Variants in DIS3L2 observed in about 807,000 individuals in gnomAD.
DIS3L2 encodes the protein DIS3 like 3'-5' exoribonuclease 2.
Under a neutral mutation model 97.5 loss-of-function variants are expected in DIS3L2, and 34 were observed. The observed-to-expected ratio is 0.35, with a 90% confidence interval of 0.27 to 0.46. The LOEUF is 0.46. Among genes scored for constraint, DIS3L2 ranks in the 20% least tolerant of loss-of-function variants. The pLI, the probability that DIS3L2 is intolerant of heterozygous loss-of-function variation, is 1.00. For missense variants in DIS3L2, 1,038 were observed against 1,146.0 expected (o/e 0.91, Z 1.36); for synonymous variants, 435 against 445.2 (o/e 0.98, Z 0.29).
chr2:232,159,370 G>A (rs960972579), intron 8 of DIS3L2, among the ~76,000 whole-genome samples: 18 of 152,234 alleles, frequency 1.2e-4, no homozygotes, highest in African/African-American at 4.1e-4. Flanking sequence ...GCTGTCATGA[G>A]TGAATCCTAA....
At chr2:231,964,258 CT>C (rs1692647535) in intron 1 of DIS3L2, among the ~76,000 whole-genome samples, 1 of 152,122 alleles carries the variant, frequency 6.6e-6, no homozygotes. Flanking sequence ...AATTGTACAT[CT>C]TGAACTGATC....
At chr2:232,115,885 G>T (rs1304885140) in intron 6 of DIS3L2, among the ~76,000 whole-genome samples, 1 of 152,038 alleles carries the variant, frequency 6.6e-6, no homozygotes, top group East Asian at 1.9e-4. Flanking sequence ...CTAATACAAG[G>T]CTGGCGCGGT....
intron 13 of DIS3L2, among the ~76,000 whole-genome samples, chr2:232,284,776 C>A (rs1009518157): frequency 6.6e-6 from 1 of 152,136 alleles, no homozygotes; most frequent in African/African-American, 2.4e-5. Context: ...CTACACCATG[C>A]AGGCCCCTCT....
intron 8 of DIS3L2, 103 bp from the exon 9 acceptor site, chr2:232,163,356 G>T: frequency 8.6e-7 from 1 of 1,167,688 alleles, no homozygotes. Flanking sequence ...TGGAAGGGCA[G>T]GAGATTTTAA....
chr2:232,334,760 G>A, intron 19 of DIS3L2, 25 bp downstream of exon 19: 2 of 1,571,738 alleles, frequency 1.3e-6, no homozygotes, highest in African/African-American at 1.4e-5. Context: ...AGAGCCCGGG[G>A]GCGGGCAGGG....
At chr2:232,248,742 GA>G (rs1231180930) in intron 11 of DIS3L2, among the ~76,000 whole-genome samples, 1 of 152,160 alleles carries the variant, frequency 6.6e-6, no homozygotes, top group African/African-American at 2.4e-5. Context: ...ATATTTTATT[GA>G]AGTAGTCTCT....
intron 13 of DIS3L2, among the ~76,000 whole-genome samples, chr2:232,288,642 A>T (rs1413935103): frequency 6.6e-6 from 1 of 152,178 alleles, no homozygotes; most frequent in South Asian, 2.1e-4. Context: ...CTGGAAGATC[A>T]TTCTGTTCTC....
chr2:232,117,840 G>A (rs765374966), intron 6 of DIS3L2, among the ~76,000 whole-genome samples: 3 of 152,230 alleles, frequency 2.0e-5, no homozygotes, highest in Non-Finnish European at 4.4e-5. Flanking sequence ...CATTTTAGAT[G>A]TGTATTAGGT....
At chr2:232,062,505 C>CCACATAT (rs1695740727) in intron 5 of DIS3L2, among the ~76,000 whole-genome samples, 2 of 152,166 alleles carry the variant, frequency 1.3e-5, no homozygotes, top group African/African-American at 4.8e-5. Flanking sequence ...ATTGTTCAAA[C>CCACATAT]TGCCCCTGAT....
At chr2:232,263,977 C>T (rs1188278162) in intron 13 of DIS3L2, among the ~76,000 whole-genome samples, 2 of 152,344 alleles carry the variant, frequency 1.3e-5, no homozygotes, top group African/African-American at 4.8e-5. Context: ...GACTGTAGAA[C>T]AGCGGTCCCA....
chr2:232,166,441 T>C (rs1690821508), intron 9 of DIS3L2, among the ~76,000 whole-genome samples: 1 of 152,180 alleles, frequency 6.6e-6, no homozygotes. Context: ...AAATTACTTT[T>C]GGGCCGGGCG....
intron 3 of DIS3L2, among the ~76,000 whole-genome samples, chr2:232,021,772 T>C (rs1471728938): frequency 2.0e-5 from 3 of 152,122 alleles, no homozygotes; most frequent in Non-Finnish European, 4.4e-5. Context: ...AAAATACTTT[T>C]AAAGTCATGA....
intron 8 of DIS3L2, among the ~76,000 whole-genome samples, chr2:232,140,880 A>G (rs73003139): frequency 0.012 from 1,892 of 152,328 alleles, 17 homozygotes; most frequent in Non-Finnish European, 0.018. Context: ...CTCTCTATAC[A>G]TCACATCGCC....
chr2:232,052,626 A>G (rs1695441818), intron 5 of DIS3L2, among the ~76,000 whole-genome samples: 1 of 152,144 alleles, frequency 6.6e-6, no homozygotes, highest in Non-Finnish European at 1.5e-5. Context: ...ATGCAGCTGC[A>G]TGCTTACATT....
intron 13 of DIS3L2, chr2:232,343,263 G>A: frequency 8.2e-7 from 1 of 1,214,806 alleles, no homozygotes; most frequent in Admixed American, 2.3e-5. Flanking sequence ...AGGCTGAGTA[G>A]GCTCACCTTT....
rs1050682262 is a variant in DIS3L2, at chr2:232,281,345, GC to G, written c.1659+17907del. 1.3e-5 allele frequency among the ~76,000 whole-genome samples: 2 copies of G among 152,222 alleles called. No individual in the cohort carries two copies. Among genetic ancestry groups the G allele is most frequent in the Non-Finnish European group, 2.9e-5 (2 of 68,036 alleles). On this transcript the variant is annotated intron_variant, in intron 13 of 20. Transcript: ENST00000325385. The surrounding 1 kb of genome is among the most constrained non-coding windows in gnomAD (Gnocchi z 4.1). ...ACCCGGGAGGCGGAGCTTGCAGTGA[GC>G]CGAGATGGCGCCACTGCACTTCAGC...
chr2:232,298,140 A>G (rs1194354232), intron 13 of DIS3L2, among the ~76,000 whole-genome samples: 1 of 152,214 alleles, frequency 6.6e-6, no homozygotes, highest in Non-Finnish European at 1.5e-5. Flanking sequence ...CCATGTAACA[A>G]CTACCTGCTA....
intron 9 of DIS3L2, among the ~76,000 whole-genome samples, chr2:232,176,824 C>CT (rs1691177195): frequency 6.7e-6 from 1 of 149,602 alleles, no homozygotes; most frequent in East Asian, 1.9e-4. Flanking sequence ...TTAAATTATA[C>CT]TTTAAGTTTT....
intron 20 of DIS3L2, 37 bp downstream of exon 20, chr2:232,335,911 G>C: frequency 3.9e-6 from 6 of 1,549,482 alleles, no homozygotes; most frequent in Non-Finnish European, 5.2e-6. Flanking sequence ...CCTAAGTCCT[G>C]ATGACCCCTC....
Sources: allele counts gnomAD v4.1 joint callset (sites outside exome capture counted in the v4.1 genomes callset), GRCh38; gene constraint gnomAD v4.1.1; non-coding constraint Gnocchi (gnomAD v3.1); transcripts MANE v1.5; gene names NCBI Gene and HGNC (gene_info 2026-07-23, HGNC 2026-07-21).